The following HDLBP variants were observed in gnomAD, a reference collection of about 807,000 sequenced individuals.
HDLBP encodes the protein high density lipoprotein binding protein.
Under a neutral mutation model 137.3 loss-of-function variants are expected in HDLBP, and 30 were observed. The ratio of observed to expected loss-of-function variants is 0.22; its 90% CI spans 0.16 to 0.30. The LOEUF is 0.30. Among genes scored for constraint, HDLBP ranks in the 10% least tolerant of loss-of-function variants. The pLI, the probability that HDLBP is intolerant of heterozygous loss-of-function variation, is 1.00. For missense variants in HDLBP, 1,119 were observed against 1,667.3 expected, an observed-to-expected ratio of 0.67 and a Z score of 5.73; for synonymous variants, 606 against 596.0, an observed-to-expected ratio of 1.02 and a Z score of -0.24.
At position 241,230,409 on chromosome 2, in the gene HDLBP, A is replaced by G. The variant is rs1266871183; in HGVS notation, c.3475-140T>C. The G allele has an allele frequency of 3.1e-6, 2 of 635,814 alleles. No homozygotes were observed. The highest frequency in any genetic ancestry group is 3.6e-5 in the African/African-American group (2 of 54,968). The allele number at this position is 635,814 out of a possible 1,614,324, so 39.4% of individuals were successfully genotyped here. On this transcript the variant is annotated intron_variant, in intron 25 of 27. Coordinates refer to ENST00000310931, the MANE Select transcript of HDLBP (RefSeq NM_005336.6). The surrounding 1 kb of genome is among the most constrained non-coding windows in gnomAD (Gnocchi z 5.0). ...TTTCAGAGTTGTTCTGAAGTCAGTC[A>G]GCCTCATCACCACACCAAGTTAGGT...
At chr2:241,262,599 C>G in intron 5 of HDLBP, 112 bp downstream of exon 5, 2 of 750,092 alleles carry the variant, frequency 2.7e-6, no homozygotes, top group South Asian at 3.4e-5. Context: ...CTCCAAAAGA[C>G]GGAACTGTCC....
At chr2:241,283,216 T>C (rs1172865801) in intron 1 of HDLBP, among the ~76,000 whole-genome samples, 2 of 152,174 alleles carry the variant, frequency 1.3e-5, no homozygotes, top group East Asian at 1.9e-4. Context: ...TTTAATTCCA[T>C]GAAGGCTGAG....
At chr2:241,279,748 C>T (rs992243749) in intron 1 of HDLBP, among the ~76,000 whole-genome samples, 2 of 152,206 alleles carry the variant, frequency 1.3e-5, no homozygotes, top group South Asian at 2.1e-4. Context: ...CACGAGCGAA[C>T]GATCCCACTT....
chr2:241,267,005 T>A (rs2073723278), intron 2 of HDLBP, 99 bp from the exon 3 acceptor site: 1 of 863,118 alleles, frequency 1.2e-6, no homozygotes, highest in Non-Finnish European at 1.9e-6. Flanking sequence ...CTCTCTTTTT[T>A]ACCAGCAAAC....
chr2:241,245,723 G>A (rs1035787672), intron 16 of HDLBP, among the ~76,000 whole-genome samples: 13 of 152,150 alleles, frequency 8.5e-5, no homozygotes, highest in African/African-American at 3.1e-4. Context: ...GACTGCTTGA[G>A]TCTGGAAAGC....
At chr2:241,269,650 G>A (rs1391917424) in intron 1 of HDLBP, 1 of 152,178 alleles carries the variant, frequency 6.6e-6, no homozygotes, top group Non-Finnish European at 1.5e-5. Flanking sequence ...GGGACAAACT[G>A]ATCAAGAGTA....
chr2:241,248,212 T>A, intron 13 of HDLBP, 32 bp downstream of exon 13: 1 of 1,574,632 alleles, frequency 6.4e-7, no homozygotes, highest in South Asian at 1.1e-5. Flanking sequence ...ATCACTCCTA[T>A]AGAGTTACAG....
intron 1 of HDLBP, among the ~76,000 whole-genome samples, chr2:241,293,016 G>A (rs1466281424): frequency 6.7e-6 from 1 of 150,232 alleles, no homozygotes; most frequent in Non-Finnish European, 1.5e-5. Flanking sequence ...AACAAAGCGA[G>A]ACCCCGTCTC....
chr2:241,270,324 T>C (rs2073957204), intron 1 of HDLBP, among the ~76,000 whole-genome samples: 1 of 152,014 alleles, frequency 6.6e-6, no homozygotes, highest in Non-Finnish European at 1.5e-5. Context: ...TCCAGAAAAC[T>C]CCAGACTGGT....
rs1307937733 is a variant in HDLBP, at chr2:241,233,041, G to C, written c.3288+779C>G. On this transcript the variant is annotated intron_variant, in intron 24 of 27. Transcript: ENST00000310931. This position sits in a 1 kb window ranked among gnomAD's most constrained non-coding sequence, Gnocchi z 4.3. ...ACCCTGGGCGGCACATCCACAGTGG[G>C]AGCGAGGGGCGTGGAGGGGCTCTGC... 6.6e-6 allele frequency among the ~76,000 whole-genome samples: 1 copy of C among 152,164 alleles called. No homozygotes were observed. Among genetic ancestry groups the C allele is most frequent in the African/African-American group, 2.4e-5 (1 of 41,430 alleles).
rs1305001459 is a variant in HDLBP, at chr2:241,239,083, A to C, written c.2611-296T>G. On this transcript the variant is annotated intron_variant, in intron 19 of 27. Transcript: ENST00000310931. This position sits in a 1 kb window ranked among gnomAD's most constrained non-coding sequence, Gnocchi z 4.6. ...TGGGGTAGCCTCTGACTCCATGAGG[A>C]GGCATCAGACTTGATTATTAGGGAA... Among the ~76,000 whole-genome samples the C allele has an allele frequency of 6.6e-6, 1 of 151,984 alleles. No individual in the cohort carries two copies. The highest frequency in any genetic ancestry group is 1.5e-5 in the Non-Finnish European group (1 of 68,000).
chr2:241,256,788 T>A lies in HDLBP; in HGVS notation c.469A>T (p.Ile157Phe). ...LQTQASATVA[I>F]PKEHHRFVIG... ...ACAAAGCGATGGTGTTCTTTGGGAA[T>A]GGCAACAGTTGCTGAGGCCTATAGC... is the stretch of plus-strand genomic sequence containing the variant. Residue 157 changes from isoleucine (I) to phenylalanine (F), a missense_variant, in exon 6 of 28, where the codon ATT becomes TTT. Ile to Phe is a conservative substitution (Grantham distance 21). This residue lies in a region of HDLBP where 425 missense variants were observed against 693.9 expected (regional missense o/e 0.61). Transcript: ENST00000310931. 6.2e-7 allele frequency: 1 copy of A among 1,614,046 alleles called. No homozygotes were observed. Among genetic ancestry groups the A allele is most frequent in the East Asian group, 2.2e-5 (1 of 44,884 alleles).
chr2:241,296,150 C>A, intron 1 of HDLBP, among the ~76,000 whole-genome samples: 1 of 143,044 alleles, frequency 7.0e-6, no homozygotes, highest in Admixed American at 6.9e-5. Context: ...GCAAAGCATA[C>A]TACAAAGCAA....
chr2:241,279,699 C>T (rs1014584501), intron 1 of HDLBP, among the ~76,000 whole-genome samples: 1 of 152,158 alleles, frequency 6.6e-6, no homozygotes, highest in Non-Finnish European at 1.5e-5. Context: ...TATTTGACAC[C>T]ATTTGCAAGG....
intron 23 of HDLBP, among the ~76,000 whole-genome samples, chr2:241,234,500 C>T (rs74000608): frequency 0.012 from 1,829 of 152,298 alleles, 35 homozygotes; most frequent in African/African-American, 0.042. Context: ...TCACCAGACT[C>T]GACGTGCTCA....
intron 1 of HDLBP, among the ~76,000 whole-genome samples, chr2:241,283,012 C>A: frequency 6.6e-6 from 1 of 152,290 alleles, no homozygotes; most frequent in Non-Finnish European, 1.5e-5. Context: ...CCTCTTGCAC[C>A]AAATAGCCAA....
chr2:241,274,082 GTGAC>G (rs1317582047), intron 1 of HDLBP, among the ~76,000 whole-genome samples: 1 of 152,212 alleles, frequency 6.6e-6, no homozygotes, highest in East Asian at 1.9e-4. Flanking sequence ...CTTGGCCTGA[GTGAC>G]TGGGAAGAGC....
intron 5 of HDLBP, among the ~76,000 whole-genome samples, chr2:241,259,861 G>A (rs958515957): frequency 2.0e-5 from 3 of 152,148 alleles, no homozygotes; most frequent in African/African-American, 4.8e-5. Flanking sequence ...GTGCACCTAT[G>A]GAGACTGGAG....
chr2:241,278,432 C>T (rs1662297286), intron 1 of HDLBP, among the ~76,000 whole-genome samples: 1 of 151,858 alleles, frequency 6.6e-6, no homozygotes, highest in Admixed American at 6.6e-5. Flanking sequence ...AACATACAAA[C>T]ATTAGCCGGG....
Sources: gnomAD v4.1 joint callset for allele counts (sites outside exome capture counted in the v4.1 genomes callset) on GRCh38, gnomAD v4.1.1 for gene constraint, gnomAD v4.1.1 regional missense constraint, Gnocchi (gnomAD v3.1) non-coding constraint, MANE v1.5 for transcripts, NCBI Gene and HGNC (gene_info 2026-07-23, HGNC 2026-07-21) for gene names.